The following VPS50 variants were observed in gnomAD, a reference collection of about 807,000 sequenced individuals.
The protein encoded by VPS50 is VPS50 subunit of EARP/GARPII complex.
Under a neutral mutation model 139.7 loss-of-function variants are expected in VPS50, and 70 were observed. That is an observed-to-expected ratio of 0.50 (90% CI 0.41 to 0.61). The LOEUF (loss-of-function observed/expected upper bound fraction) is 0.61, where lower values mean the gene tolerates loss of function less well. Among genes scored for constraint, VPS50 ranks in the 20% least tolerant of loss-of-function variants. VPS50 has a pLI of 0.00. For missense variants in VPS50, 921 were observed against 1,133.7 expected (o/e 0.81, Z 2.69); for synonymous variants, 365 against 376.7 (o/e 0.97, Z 0.36).
intron 12 of VPS50, among the ~76,000 whole-genome samples, chr7:93,288,744 T>C (rs1281000494): frequency 1.1e-4 from 16 of 152,104 alleles, no homozygotes. Context: ...TGATTCAACT[T>C]TGATTTATAC....
At chr7:93,326,687 A>G (rs529490579) in intron 21 of VPS50, among the ~76,000 whole-genome samples, 32 of 152,086 alleles carry the variant, frequency 2.1e-4, no homozygotes, top group African/African-American at 7.7e-4. Flanking sequence ...CTAATTTGAT[A>G]CTTTAAAATT....
At chr7:93,287,628 A>G (rs527960206) in intron 12 of VPS50, among the ~76,000 whole-genome samples, 52 of 152,282 alleles carry the variant, frequency 3.4e-4, no homozygotes, top group African/African-American at 1.2e-3. Flanking sequence ...CTTATCTACC[A>G]GAAAGAATGT....
chr7:93,293,481 G>T (rs1028527787), intron 13 of VPS50, among the ~76,000 whole-genome samples: 3 of 151,974 alleles, frequency 2.0e-5, no homozygotes, highest in Admixed American at 6.6e-5. Flanking sequence ...TATATTTTAT[G>T]GATATTCAAG....
intron 23 of VPS50, 50 bp downstream of exon 23, chr7:93,341,625 A>G (rs751251948): frequency 1.5e-6 from 2 of 1,316,278 alleles, no homozygotes; most frequent in Non-Finnish European, 2.1e-6. Flanking sequence ...AAGAAACTTT[A>G]TAAAAGAAGC....
chr7:93,271,135 GATTA>G, intron 9 of VPS50, 81 bp from the exon 10 acceptor site: 1 of 1,497,876 alleles, frequency 6.7e-7, no homozygotes, highest in Middle Eastern at 1.9e-4. Context: ...TGAATTTATG[GATTA>G]ATTATTCAGT....
intron 12 of VPS50, among the ~76,000 whole-genome samples, chr7:93,284,787 CAAGT>C (rs1488762766): frequency 6.6e-6 from 1 of 152,150 alleles, no homozygotes; most frequent in African/African-American, 2.4e-5. Context: ...GAGTCATGAT[CAAGT>C]AAGTGACAAA....
intron 11 of VPS50, among the ~76,000 whole-genome samples, chr7:93,275,318 C>T (rs1796121074): frequency 6.6e-6 from 1 of 152,140 alleles, no homozygotes; most frequent in African/African-American, 2.4e-5. Flanking sequence ...TATCAAACAG[C>T]ATCGCATGCT....
chr7:93,353,794 T>C, intron 26 of VPS50, 33 bp downstream of exon 26: 1 of 1,530,326 alleles, frequency 6.5e-7, no homozygotes, highest in Non-Finnish European at 9.0e-7. Context: ...ATTTGTTTCT[T>C]TAATGACAAA....
intron 26 of VPS50, among the ~76,000 whole-genome samples, chr7:93,354,476 TAG>T (rs763139663): frequency 2.7e-4 from 41 of 151,962 alleles, no homozygotes; most frequent in Admixed American, 4.6e-4. Flanking sequence ...GTATTTTTAG[TAG>T]AGATGGGGTT....
At chr7:93,258,481 T>C in intron 8 of VPS50, 89 bp downstream of exon 8, 8 of 959,778 alleles carry the variant, frequency 8.3e-6, no homozygotes, top group Non-Finnish European at 1.3e-5. Context: ...TTTTCTCAAA[T>C]GGGTTTATGA....
At chr7:93,322,558 C>CCACT (rs1374557646) in intron 20 of VPS50, among the ~76,000 whole-genome samples, 8 of 145,536 alleles carry the variant, frequency 5.5e-5, no homozygotes, top group African/African-American at 1.8e-4. Context: ...CGAGATCGCG[C>CCACT]CACTGCACTC....
chr7:93,258,888 A>G (rs1308621935), intron 8 of VPS50, among the ~76,000 whole-genome samples: 3 of 152,010 alleles, frequency 2.0e-5, no homozygotes, highest in Non-Finnish European at 2.9e-5. Context: ...TGGGGTAGGT[A>G]CTTTGTCATT....
chr7:93,324,653 TCAAA>T (rs974612897), intron 21 of VPS50, among the ~76,000 whole-genome samples: 111 of 152,122 alleles, frequency 7.3e-4, no homozygotes, highest in African/African-American at 2.5e-3. Context: ...CCAATAACAG[TCAAA>T]CAGAGAGCCA....
At chr7:93,247,835 G>T (rs1481515166) in intron 2 of VPS50, among the ~76,000 whole-genome samples, 1 of 151,892 alleles carries the variant, frequency 6.6e-6, no homozygotes, top group Non-Finnish European at 1.5e-5. Context: ...TGATAGTATG[G>T]GAGAGAGATT....
chr7:93,341,458 C>T lies in VPS50; in HGVS notation c.2090C>T (p.Thr697Ile), dbSNP rs746229698. Reference sequence around the variant, plus strand: ...TCAGCTGATCCTACTGCCACACTCACAGCAGCAGAAGAAAGAAAGGAGAAG... The same window carrying T: ...TCAGCTGATCCTACTGCCACACTCATAGCAGCAGAAGAAAGAAAGGAGAAG... ...EVSADPTATLTAAEERKEKVP... is the reference protein window; with the variant it reads ...EVSADPTATLIAAEERKEKVP... Residue 697 changes from threonine (T) to isoleucine (I), a missense_variant, in exon 23 of 28, where the codon ACA becomes ATA. By Grantham distance (89) the Thr-to-Ile change is moderately conservative. Around this residue, in one of 3 missense-constraint regions of VPS50, gnomAD observed 744 missense variants for 930.6 expected, o/e 0.80. Coordinates refer to ENST00000305866, the MANE Select transcript of VPS50 (RefSeq NM_017667.4). The T allele has an allele frequency of 1.9e-6, 3 of 1,612,176 alleles. No homozygotes were observed. The highest frequency in any genetic ancestry group is 2.2e-5 in the South Asian group (2 of 90,682).
At chr7:93,232,607 T>C in intron 1 of VPS50, 107 bp downstream of exon 1, 1 of 1,019,562 alleles carries the variant, frequency 9.8e-7, no homozygotes, top group Non-Finnish European at 1.5e-6. Flanking sequence ...TTATGGGTGG[T>C]GGCAGGTGTC....
chr7:93,348,581 C>T, intron 23 of VPS50, 130 bp from the exon 24 acceptor site: 1 of 629,080 alleles, frequency 1.6e-6, no homozygotes, highest in Non-Finnish European at 2.8e-6. Flanking sequence ...CAGGTTCGTC[C>T]ACTAAAGTGG....
chr7:93,330,776 A>AC (rs1554376667), intron 21 of VPS50, among the ~76,000 whole-genome samples: 1 of 151,180 alleles, frequency 6.6e-6, no homozygotes, highest in African/African-American at 2.4e-5. Flanking sequence ...AAAAAAAAAA[A>AC]AAAAAACCCA....
At chr7:93,313,348 G>GTTGT (rs1562882098) in intron 20 of VPS50, among the ~76,000 whole-genome samples, 2 of 152,142 alleles carry the variant, frequency 1.3e-5, no homozygotes, top group East Asian at 1.9e-4. Flanking sequence ...CATCTAAGCA[G>GTTGT]TTGTTTATAT....
Sources: gnomAD v4.1 joint callset for allele counts (sites outside exome capture counted in the v4.1 genomes callset) on GRCh38, gnomAD v4.1.1 for gene constraint, gnomAD v4.1.1 regional missense constraint, MANE v1.5 for transcripts, NCBI Gene and HGNC (gene_info 2026-07-23, HGNC 2026-07-21) for gene names.